Variants in SLC9C2 observed in about 807,000 individuals in gnomAD.
The protein encoded by SLC9C2 is sodium/hydrogen exchanger 11.
A neutral mutation model predicts 140.2 loss-of-function variants in SLC9C2; 75 were observed. The ratio of observed to expected loss-of-function variants is 0.53; its 90% confidence interval spans 0.44 to 0.65. The LOEUF is 0.65. SLC9C2 is among the 30% of genes least tolerant of loss of function. SLC9C2 has a pLI of 0.00. For missense variants in SLC9C2, 1,074 were observed against 1,331.8 expected, an observed-to-expected ratio of 0.81 and a Z score of 3.01; for synonymous variants, 375 against 420.9, an observed-to-expected ratio of 0.89 and a Z score of 1.34.
intron 9 of SLC9C2, among the ~76,000 whole-genome samples, chr1:173,558,688 C>G (rs1663882471): frequency 6.6e-6 from 1 of 152,218 alleles, no homozygotes; most frequent in African/African-American, 2.4e-5. Flanking sequence ...ATAATTATGA[C>G]TATATATGAT....
intron 22 of SLC9C2, among the ~76,000 whole-genome samples, chr1:173,519,959 G>C (rs1288357520): frequency 6.6e-6 from 1 of 152,124 alleles, no homozygotes; most frequent in Non-Finnish European, 1.5e-5. Context: ...CACCAGCCTA[G>C]GGAAATCCCG....
chr1:173,502,124 G>A (rs1558004567), intron 27 of SLC9C2, among the ~76,000 whole-genome samples: 2 of 151,606 alleles, frequency 1.3e-5, no homozygotes, highest in Non-Finnish European at 2.9e-5. Flanking sequence ...ATACAAAAAA[G>A]TAGCCAGGCA....
intron 23 of SLC9C2, among the ~76,000 whole-genome samples, chr1:173,511,354 C>T (rs1259627917): frequency 1.3e-5 from 2 of 151,996 alleles, no homozygotes; most frequent in Non-Finnish European, 2.9e-5. Flanking sequence ...TTAATAATTG[C>T]CATTCTGACT....
chr1:173,582,956 CTA>C (rs1665636569), intron 6 of SLC9C2, among the ~76,000 whole-genome samples: 1 of 152,212 alleles, frequency 6.6e-6, no homozygotes, highest in Admixed American at 6.5e-5. Context: ...TATTGTGACA[CTA>C]TATGTGTGCA....
intron 8 of SLC9C2, among the ~76,000 whole-genome samples, chr1:173,575,420 G>C (rs1665112384): frequency 6.6e-6 from 1 of 152,070 alleles, no homozygotes; most frequent in Non-Finnish European, 1.5e-5. Flanking sequence ...CTGAGCTCAG[G>C]AAACGGTCTA....
At chr1:173,551,518 A>G (rs1663309478) in intron 11 of SLC9C2, among the ~76,000 whole-genome samples, 1 of 152,204 alleles carries the variant, frequency 6.6e-6, no homozygotes, top group Non-Finnish European at 1.5e-5. Context: ...TTCCAACAGT[A>G]TGTCCTCGCT....
chr1:173,584,390 T>C (rs1367558903), intron 5 of SLC9C2, among the ~76,000 whole-genome samples: 1 of 152,214 alleles, frequency 6.6e-6, no homozygotes, highest in East Asian at 1.9e-4. Context: ...AACATCATTT[T>C]CTTTCTGCCT....
rs1291834866 is a variant in SLC9C2 at position 173,581,973 on chromosome 1, A to G, written c.676T>C (p.Leu226=). 1 of 1,597,172 alleles carries G rather than the reference A, an allele frequency of 6.3e-7. No homozygotes were observed. Among genetic ancestry groups the G allele is most frequent in the African/African-American group, 1.3e-5 (1 of 74,744 alleles). The change falls in exon 7 of 28, where the codon TTG becomes CTG. Residue 226 remains leucine (L), a synonymous_variant. Coordinates refer to ENST00000367714, the MANE Select transcript of SLC9C2 (RefSeq NM_178527.4). The part of the protein sequence containing the change: ...HVGIELSYDI[L]GSIIFGYWCA... ...CAATATCCAAATATTATGCTTCCCA[A>G]AATGTCATAGCTGAGTTCAATGCCT...
At chr1:173,533,155 G>A (rs1429863651) in intron 17 of SLC9C2, among the ~76,000 whole-genome samples, 4 of 152,096 alleles carry the variant, frequency 2.6e-5, no homozygotes, top group African/African-American at 4.8e-5. Flanking sequence ...TATTGAGAGG[G>A]TGTTCCAGAA....
At chr1:173,562,042 T>G (rs1265498917) in intron 9 of SLC9C2, among the ~76,000 whole-genome samples, 1 of 152,132 alleles carries the variant, frequency 6.6e-6, no homozygotes, top group Admixed American at 6.5e-5. Flanking sequence ...TTTTTTTGAG[T>G]ACTAAAAATC....
At chr1:173,575,147 A>G (rs1665095868) in intron 8 of SLC9C2, among the ~76,000 whole-genome samples, 1 of 152,172 alleles carries the variant, frequency 6.6e-6, no homozygotes, top group South Asian at 2.1e-4. Flanking sequence ...AATTCTCTCT[A>G]CAGGACCTAA....
chr1:173,523,485 T>C (rs2101956380), intron 21 of SLC9C2, among the ~76,000 whole-genome samples: 1 of 152,366 alleles, frequency 6.6e-6, no homozygotes, highest in Middle Eastern at 3.4e-3. Flanking sequence ...ATGTAGAGGA[T>C]ATTCAATAGA....
At chr1:173,559,624 G>T (rs1181598784) in intron 9 of SLC9C2, among the ~76,000 whole-genome samples, 3 of 152,146 alleles carry the variant, frequency 2.0e-5, no homozygotes, top group Non-Finnish European at 4.4e-5. Context: ...GGCTCACTTT[G>T]GTGACCCTTC....
Position 173,581,894 on chromosome 1 carries a change from G to A in SLC9C2, c.755C>T (p.Thr252Ile). Residue 252 changes from threonine (T) to isoleucine (I), a missense_variant, in exon 7 of 28, where the codon ACT becomes ATT. Coordinates refer to ENST00000367714, the MANE Select transcript of SLC9C2 (RefSeq NM_178527.4). ...CATTGAAAAGCAGAGAATGATATTAGTCAGCATATTGCTAAAAACGTCAGC... is the reference window on the plus strand; with the variant it reads ...CATTGAAAAGCAGAGAATGATATTAATCAGCATATTGCTAAAAACGTCAGC... ...ILADVFSNMLTNIILCFSMVY... is the reference protein window; with the variant it reads ...ILADVFSNMLINIILCFSMVY... 1 of 1,604,446 alleles carries A rather than the reference G, an allele frequency of 6.2e-7. No homozygotes were observed. Among genetic ancestry groups the A allele is most frequent in the African/African-American group, 1.3e-5 (1 of 74,876 alleles).
chr1:173,581,795 TG>T, intron 7 of SLC9C2, 51 bp downstream of exon 7: 1 of 1,380,416 alleles, frequency 7.2e-7, no homozygotes, highest in East Asian at 2.5e-5. Flanking sequence ...AAAATAAACA[TG>T]TATAAAACTT....
In SLC9C2 at chr1:173,557,031, A is replaced by G. The variant is rs141425030; in HGVS notation, c.1215+309T>C. 9.1e-4 allele frequency among the ~76,000 whole-genome samples: 138 copies of G among 152,300 alleles called. 1 individual carries two copies. Among genetic ancestry groups the G allele is most frequent in the African/African-American group, 3.1e-3 (127 of 41,560 alleles). ...CTGGTATTTTATTGAGCATCATCTC[A>G]ATTCTCAACTGAAAGTTGAAGCTCA... On this transcript the variant is annotated intron_variant, in intron 10 of 27. Coordinates refer to ENST00000367714, the MANE Select transcript of SLC9C2 (RefSeq NM_178527.4).
intron 14 of SLC9C2, among the ~76,000 whole-genome samples, chr1:173,536,199 G>A (rs1661944360): frequency 7.5e-6 from 1 of 133,210 alleles, no homozygotes; most frequent in African/African-American, 3.1e-5. Flanking sequence ...TAGACCATTT[G>A]GAGTTTGGAA....
intron 7 of SLC9C2, among the ~76,000 whole-genome samples, chr1:173,577,528 C>T (rs1665251990): frequency 6.6e-6 from 1 of 152,092 alleles, no homozygotes. Flanking sequence ...ACATTAAAAC[C>T]GTCAGACAGA....
chr1:173,589,334 A>G (rs57399863), intron 4 of SLC9C2, among the ~76,000 whole-genome samples: 24,085 of 152,076 alleles, frequency 0.16, 6,347 homozygotes, highest in African/African-American at 0.55. Flanking sequence ...AGGCAGGAGG[A>G]TCGCTTGAGG....
Sources: allele counts gnomAD v4.1 joint callset (sites outside exome capture counted in the v4.1 genomes callset), GRCh38; gene constraint gnomAD v4.1.1; transcripts MANE v1.5; gene names NCBI Gene and HGNC (gene_info 2026-07-23, HGNC 2026-07-21).